Variants in RAPGEF6 observed in about 807,000 individuals in gnomAD.
RAPGEF6 encodes the protein Rap guanine nucleotide exchange factor 6.
A neutral mutation model predicts 171.4 loss-of-function variants in RAPGEF6; 56 were observed. The observed-to-expected ratio is 0.33, with a 90% CI of 0.26 to 0.41. The LOEUF (loss-of-function observed/expected upper bound fraction) is 0.41. RAPGEF6 is among the 10% of genes least tolerant of loss of function. The probability of loss-of-function intolerance (pLI) is 1.00; values close to 1 mark genes in which losing one functional copy is unlikely to be tolerated. For missense variants in RAPGEF6, 1,674 were observed against 1,921.4 expected (o/e 0.87, Z 2.41); for synonymous variants, 692 against 650.1 (o/e 1.06, Z -0.98).
chr5:131,587,283 T>C (rs1308910438), intron 4 of RAPGEF6, among the ~76,000 whole-genome samples: 3 of 152,148 alleles, frequency 2.0e-5, no homozygotes, highest in Non-Finnish European at 4.4e-5. Flanking sequence ...GCATCTAATA[T>C]ACAAAAATGT....
Position 131,466,751 on chromosome 5 carries a change from T to C in RAPGEF6, c.2240-2470A>G, listed in dbSNP as rs558624258. ...GCATTAAACCTCTTTCCTTTGTAAA[T>C]TGTCCAGTCTTGGGTATGTCTTTAT... On this transcript the variant is annotated intron_variant, in intron 17 of 27. Coordinates refer to ENST00000509018, the MANE Select transcript of RAPGEF6 (RefSeq NM_016340.6). 3.9e-5 allele frequency among the ~76,000 whole-genome samples: 6 copies of C among 152,318 alleles called. No homozygotes were observed. The East Asian group carries it at 1.2e-3, about 29-fold the overall frequency.
chr5:131,443,252 AT>A, intron 22 of RAPGEF6, among the ~76,000 whole-genome samples: 1 of 151,296 alleles, frequency 6.6e-6, no homozygotes, highest in East Asian at 2.0e-4. Context: ...CTATTTTTGT[AT>A]TTTTAGTAGA....
At chr5:131,507,806 G>A (rs1400176780) in intron 9 of RAPGEF6, among the ~76,000 whole-genome samples, 1 of 152,124 alleles carries the variant, frequency 6.6e-6, no homozygotes, top group Non-Finnish European at 1.5e-5. Context: ...AATCTGAGAA[G>A]TAAAAACATT....
intron 24 of RAPGEF6, among the ~76,000 whole-genome samples, chr5:131,434,056 GAT>G (rs1751875508): frequency 6.6e-6 from 1 of 152,106 alleles, no homozygotes; most frequent in South Asian, 2.1e-4. Context: ...TCCTTCCTTT[GAT>G]TAATATGAAT....
chr5:131,475,126 C>T (rs1184317358), intron 16 of RAPGEF6, among the ~76,000 whole-genome samples: 1 of 152,178 alleles, frequency 6.6e-6, no homozygotes, highest in African/African-American at 2.4e-5. Flanking sequence ...AAGCTGGTTA[C>T]AAATTCGTAG....
intron 4 of RAPGEF6, among the ~76,000 whole-genome samples, chr5:131,581,846 C>A (rs1762982277): frequency 6.6e-6 from 1 of 152,088 alleles, no homozygotes; most frequent in Middle Eastern, 3.4e-3. Context: ...TGTGAATGTA[C>A]TTTGTAACAT....
At chr5:131,467,505 T>C (rs1189106341) in intron 17 of RAPGEF6, among the ~76,000 whole-genome samples, 2 of 152,246 alleles carry the variant, frequency 1.3e-5, no homozygotes, top group South Asian at 2.1e-4. Flanking sequence ...ATATATTACA[T>C]ACTATTCTTT....
intron 1 of RAPGEF6, among the ~76,000 whole-genome samples, chr5:131,623,642 C>T (rs776415809): frequency 7.2e-5 from 11 of 152,002 alleles, no homozygotes; most frequent in Non-Finnish European, 1.0e-4. Context: ...TGCACCACCA[C>T]GCCCGGCTAA....
intron 4 of RAPGEF6, among the ~76,000 whole-genome samples, chr5:131,575,654 AC>A (rs1448392068): frequency 1.3e-5 from 2 of 152,160 alleles, no homozygotes; most frequent in Non-Finnish European, 2.9e-5. Flanking sequence ...GACTGACCCC[AC>A]AGACCCTAAG....
chr5:131,498,342 T>C, intron 12 of RAPGEF6, 101 bp downstream of exon 12: 1 of 1,116,592 alleles, frequency 9.0e-7, no homozygotes, highest in Non-Finnish European at 1.3e-6. Context: ...TTAGGTGTAC[T>C]GAATCTTATT....
At chr5:131,560,771 G>A (rs1358625416) in intron 5 of RAPGEF6, among the ~76,000 whole-genome samples, 2 of 152,200 alleles carry the variant, frequency 1.3e-5, no homozygotes, top group Non-Finnish European at 2.9e-5. Context: ...CATAATCTTT[G>A]CCCTGTAAGA....
intron 1 of RAPGEF6, among the ~76,000 whole-genome samples, chr5:131,619,830 C>G (rs1455916636): frequency 6.6e-6 from 1 of 152,190 alleles, no homozygotes; most frequent in African/African-American, 2.4e-5. Flanking sequence ...ATTATAAGCA[C>G]AGACTATGAA....
intron 1 of RAPGEF6, among the ~76,000 whole-genome samples, chr5:131,634,446 G>GAC (rs1766505132): frequency 2.0e-5 from 3 of 152,230 alleles, no homozygotes; most frequent in Admixed American, 1.3e-4. Context: ...AGTACCTACA[G>GAC]TGGTGTTCTT....
intron 18 of RAPGEF6, chr5:131,463,714 A>C: frequency 1.0e-6 from 1 of 981,060 alleles, no homozygotes; most frequent in Non-Finnish European, 1.2e-6. Context: ...TACTTAGAAA[A>C]AGAACTGTGA....
At chr5:131,455,517 CA>C (rs1303645446) in intron 20 of RAPGEF6, among the ~76,000 whole-genome samples, 1 of 152,198 alleles carries the variant, frequency 6.6e-6, no homozygotes, top group Admixed American at 6.5e-5. Context: ...CTAGGCCTTC[CA>C]AAGTTCTGGG....
chr5:131,571,238 C>T (rs112667322), intron 4 of RAPGEF6, among the ~76,000 whole-genome samples: 12 of 152,164 alleles, frequency 7.9e-5, no homozygotes, highest in African/African-American at 2.4e-4. Context: ...CACCATGCCC[C>T]GCCCCCAACT....
chr5:131,631,717 CAGG>C (rs1283401801), intron 1 of RAPGEF6, among the ~76,000 whole-genome samples: 1 of 152,144 alleles, frequency 6.6e-6, no homozygotes, highest in Non-Finnish European at 1.5e-5. Context: ...GAGGTTGAAG[CAGG>C]AGAATCTGTT....
chr5:131,469,111 C>T (rs927281888), intron 17 of RAPGEF6, among the ~76,000 whole-genome samples: 1 of 152,080 alleles, frequency 6.6e-6, no homozygotes, highest in African/African-American at 2.4e-5. Flanking sequence ...TGTGGTAGAA[C>T]AACACACCTT....
intron 6 of RAPGEF6, among the ~76,000 whole-genome samples, chr5:131,525,480 A>G (rs914569946): frequency 1.3e-5 from 2 of 152,202 alleles, no homozygotes; most frequent in African/African-American, 4.8e-5. Flanking sequence ...AAGATGCTAT[A>G]TATGAAAACC....
Sources: allele counts gnomAD v4.1 joint callset (sites outside exome capture counted in the v4.1 genomes callset), GRCh38; gene constraint gnomAD v4.1.1; transcripts MANE v1.5; gene names NCBI Gene and HGNC (gene_info 2026-07-23, HGNC 2026-07-21).